KLF6: variants seen among roughly 807,000 people sequenced by gnomAD.
KLF6 encodes Krueppel-like factor 6.
For missense variants in KLF6, 233 were observed against 359.8 expected, an observed-to-expected ratio of 0.65 and a Z score of 2.85; for synonymous variants, 152 against 147.9, an observed-to-expected ratio of 1.03 and a Z score of -0.20.
chr10:3,780,351 G>T lies in KLF6; in HGVS notation c.677-122C>A. The T allele has an allele frequency of 8.4e-7, 1 of 1,187,310 alleles. No individual in the cohort carries two copies. The highest frequency in any genetic ancestry group is 1.2e-6 in the Non-Finnish European group (1 of 805,976). 73.5% of individuals were successfully genotyped at this position (1,187,310 alleles called of 1,614,324 possible). ...CAGGGACCCAGTGGCTTCTGGCATC[G>T]GTAACACACAACAACTGGCAGCCTC... On this transcript the variant is annotated intron_variant, in intron 2 of 3. Coordinates refer to ENST00000497571, the MANE Select transcript of KLF6 (RefSeq NM_001300.6). The surrounding 1 kb of genome is among the most constrained non-coding windows in gnomAD (Gnocchi z 4.6).
intron 1 of KLF6, among the ~76,000 whole-genome samples, 195 bp downstream of exon 1, chr10:3,784,718 G>C (rs1832611329): frequency 6.6e-6 from 1 of 152,210 alleles, no homozygotes; most frequent in African/African-American, 2.4e-5. Flanking sequence ...GGGCTGTGCC[G>C]GGAGTTGGGG....
rs557840648 is a variant in KLF6, at chr10:3,781,243, C to T, written c.676+398G>A. The stretch of plus-strand genomic sequence containing the variant: ...AACCCACACACTCCACGCTGCCCAG[C>T]AACCCTCTGTCCTGACCCTTGAGTT... On this transcript the variant is annotated intron_variant, in intron 2 of 3. Transcript: ENST00000497571. This position sits in a 1 kb window ranked among gnomAD's most constrained non-coding sequence, Gnocchi z 5.8. The T allele has an allele frequency of 3.0e-4, 160 of 540,698 alleles. No homozygotes were observed. The highest frequency in any genetic ancestry group is 2.7e-3 in the African/African-American group (141 of 52,594). The allele number at this position is 540,698 out of a possible 1,614,324, so 33.5% of individuals were successfully genotyped here.
At position 3,778,169 on chromosome 10, in the gene KLF6, G is replaced by T. The variant is rs554226109; in HGVS notation, c.*1370C>A. The T allele has an allele frequency of 1.9e-6, 1 of 521,822 alleles. No individual in the cohort carries two copies. The highest frequency in any genetic ancestry group is 4.1e-5 in the East Asian group (1 of 24,308). 32.3% of individuals were successfully genotyped at this position (521,822 alleles called of 1,614,324 possible). The stretch of plus-strand genomic sequence containing the variant: ...TCTTTGTGAAGGAGGACCTTAAAGA[G>T]ATTTTTTTTCTGTATTATACGTTGA... On this transcript the variant is annotated 3_prime_UTR_variant, in exon 4 of 4. Transcript: ENST00000497571.
At position 3,778,284 on chromosome 10, in the gene KLF6, C is replaced by T. The variant is rs1237136732; in HGVS notation, c.*1255G>A. 9.5e-6 allele frequency: 5 copies of T among 526,268 alleles called. No homozygotes were observed. The highest frequency in any genetic ancestry group is 6.7e-5 in the Admixed American group (3 of 44,688). The allele number at this position is 526,268 out of a possible 1,614,324, so 32.6% of individuals were successfully genotyped here. A position where few individuals can be genotyped will look rare whatever the true frequency, so the allele number is the denominator to read the frequency against. ...AGACCCCCACAGAAGGGATCGCTTG[C>T]GTAAGGCACCATTATGAAGGTCAAC... On this transcript the variant is annotated 3_prime_UTR_variant, in exon 4 of 4. Coordinates refer to ENST00000497571, the MANE Select transcript of KLF6 (RefSeq NM_001300.6).
rs1055476999 is a variant in KLF6 at position 3,777,839 on chromosome 10, T to G, written c.*1700A>C. On this transcript the variant is annotated 3_prime_UTR_variant, in exon 4 of 4. Coordinates refer to ENST00000497571, the MANE Select transcript of KLF6 (RefSeq NM_001300.6). ...AATTCTGCCCACTTTTTTAAAAAAG[T>G]AGTATACTTTCTGTATTACCAACAG... 1 of 482,404 alleles carries G rather than the reference T, an allele frequency of 2.1e-6. No homozygotes were observed. The highest frequency in any genetic ancestry group is 4.9e-5 in the East Asian group (1 of 20,416). The allele number at this position is 482,404 out of a possible 1,614,324, so 29.9% of individuals were successfully genotyped here.
chr10:3,780,048 G>T lies in KLF6; in HGVS notation c.800+58C>A. The T allele has an allele frequency of 1.2e-6, 2 of 1,607,124 alleles. No individual in the cohort carries two copies. Among genetic ancestry groups the T allele is most frequent in the Non-Finnish European group, 1.7e-6 (2 of 1,174,814 alleles). The stretch of plus-strand genomic sequence containing the variant: ...GTGCCCTGCACACCTACTCAACCCT[G>T]GTCATCACATTCCCAAGGCCCCACG... On this transcript the variant is annotated intron_variant, in intron 3 of 3. Transcript: ENST00000497571. The surrounding 1 kb of genome is among the most constrained non-coding windows in gnomAD (Gnocchi z 4.6).
rs1588341355 is a variant in KLF6, at chr10:3,779,056, C to T, written c.*483G>A. 1.9e-6 allele frequency: 1 copy of T among 522,378 alleles called. No individual in the cohort carries two copies. Among genetic ancestry groups the T allele is most frequent in the Admixed American group, 2.4e-5 (1 of 42,430 alleles). The allele number at this position is 522,378 out of a possible 1,614,324, so 32.4% of individuals were successfully genotyped here. A position where few individuals can be genotyped will look rare whatever the true frequency, so the allele number is the denominator to read the frequency against. On this transcript the variant is annotated 3_prime_UTR_variant, in exon 4 of 4. Coordinates refer to ENST00000497571, the MANE Select transcript of KLF6 (RefSeq NM_001300.6). ...TTGTTTTTTTGTTTTTTTGATTTTT[C>T]TTTTTTTTTCTAAGGTGCAGACACC...
Position 3,775,998 on chromosome 10 carries a change from G to A in KLF6, c.*3541C>T. The A allele has an allele frequency of 2.2e-6, 1 of 459,598 alleles. No homozygotes were observed. The highest frequency in any genetic ancestry group is 4.3e-6 in the Non-Finnish European group (1 of 231,436). The allele number at this position is 459,598 out of a possible 1,614,324, so 28.5% of individuals were successfully genotyped here. A position where few individuals can be genotyped will look rare whatever the true frequency, so the allele number is the denominator to read the frequency against. On this transcript the variant is annotated 3_prime_UTR_variant, in exon 4 of 4. Coordinates refer to ENST00000497571, the MANE Select transcript of KLF6 (RefSeq NM_001300.6). Reference sequence around the variant, plus strand: ...AAAAAAAAGAGATGTAACTCCTCTGGCAGTGATGTCATCTTTTATTTTCTG... The same window carrying A: ...AAAAAAAAGAGATGTAACTCCTCTGACAGTGATGTCATCTTTTATTTTCTG...
rs1244161587 is a variant in KLF6, at chr10:3,784,395, G to C, written c.102+518C>G. ...CAAGAGAAGCAGGGAAGACAAATAAGGCAGATCTAGGGGAAATGTTAGGCA... is the reference window on the plus strand; with the variant it reads ...CAAGAGAAGCAGGGAAGACAAATAACGCAGATCTAGGGGAAATGTTAGGCA... On this transcript the variant is annotated intron_variant, in intron 1 of 3. Transcript: ENST00000497571. 2.0e-5 allele frequency among the ~76,000 whole-genome samples: 3 copies of C among 152,070 alleles called. No homozygotes were observed. The East Asian group carries it at 5.8e-4, about 29-fold the overall frequency.
Position 3,778,515 on chromosome 10 carries a change from A to C in KLF6, c.*1024T>G, listed in dbSNP as rs1326500458. On this transcript the variant is annotated 3_prime_UTR_variant, in exon 4 of 4. Transcript: ENST00000497571. ...CTCAATACGTGTCCAATTTCTTCTA[A>C]GGGCATCACAGAATTCTCCAAAAAG... 9.6e-6 allele frequency: 5 copies of C among 523,538 alleles called. No individual in the cohort carries two copies. The highest frequency in any genetic ancestry group is 1.9e-5 in the Non-Finnish European group (5 of 269,508). 32.4% of individuals were successfully genotyped at this position (523,538 alleles called of 1,614,324 possible).
Position 3,778,755 on chromosome 10 carries a change from C to T in KLF6, c.*784G>A. Reference sequence around the variant, plus strand: ...TAAAAATGGAAAAGCATATAGTTCCCCAGACCATGCATGACTTTTTGTATT... The same window carrying T: ...TAAAAATGGAAAAGCATATAGTTCCTCAGACCATGCATGACTTTTTGTATT... On this transcript the variant is annotated 3_prime_UTR_variant, in exon 4 of 4. Transcript: ENST00000497571. 1.9e-6 allele frequency: 1 copy of T among 530,516 alleles called. No homozygotes were observed. Among genetic ancestry groups the T allele is most frequent in the Non-Finnish European group, 3.6e-6 (1 of 274,000 alleles). The allele number at this position is 530,516 out of a possible 1,614,324, so 32.9% of individuals were successfully genotyped here. A position where few individuals can be genotyped will look rare whatever the true frequency, so the allele number is the denominator to read the frequency against.
chr10:3,780,839 C>T lies in KLF6; in HGVS notation c.677-610G>A, dbSNP rs1416875110. 3 of 179,510 alleles carry T rather than the reference C, an allele frequency of 1.7e-5. No homozygotes were observed. Among genetic ancestry groups the T allele is most frequent in the Admixed American group, 1.1e-4 (2 of 18,570 alleles). The allele number at this position is 179,510 out of a possible 1,614,324, so 11.1% of individuals were successfully genotyped here. Reference sequence around the variant, plus strand: ...GAAAACAAAGTTGTCAAGCCAATCTCAGGGTATGTTGAGACAGGCCTGGGC... The same window carrying T: ...GAAAACAAAGTTGTCAAGCCAATCTTAGGGTATGTTGAGACAGGCCTGGGC... On this transcript the variant is annotated intron_variant, in intron 2 of 3. Transcript: ENST00000497571. This position sits in a 1 kb window ranked among gnomAD's most constrained non-coding sequence, Gnocchi z 4.6.
Position 3,777,705 on chromosome 10 carries a change from C to A in KLF6, c.*1834G>T, listed in dbSNP as rs765309035. On this transcript the variant is annotated 3_prime_UTR_variant, in exon 4 of 4. Transcript: ENST00000497571. ...CTTCACAGGCTGTGGAATTTTCTAG[C>A]TAAACATTCTAGTTTCTCCTTAAAA... The A allele has an allele frequency of 4.7e-6, 2 of 425,738 alleles. No homozygotes were observed. Among genetic ancestry groups the A allele is most frequent in the South Asian group, 3.8e-5 (2 of 51,984 alleles). The allele number at this position is 425,738 out of a possible 1,614,324, so 26.4% of individuals were successfully genotyped here.
chr10:3,781,749 C>A lies in KLF6; in HGVS notation c.568G>T (p.Asp190Tyr), dbSNP rs762548312. The A allele has an allele frequency of 6.2e-6, 10 of 1,614,230 alleles. No individual in the cohort carries two copies. Among genetic ancestry groups the A allele is most frequent in the Non-Finnish European group, 8.5e-6 (10 of 1,180,036 alleles). The change falls in exon 2 of 4, where the codon GAT (aspartate) becomes TAT (tyrosine). Residue 190 changes from aspartate (D) to tyrosine (Y), a missense_variant. Physicochemically the swap from Asp to Tyr is radical, Grantham distance 160 (BLOSUM62 -3). Coordinates refer to ENST00000497571, the MANE Select transcript of KLF6 (RefSeq NM_001300.6). This position sits in a 1 kb window ranked among gnomAD's most constrained non-coding sequence, Gnocchi z 5.8. ...CTCCTCCTGCCGTCGGGGGAGGCAT[C>A]GCCATTTCCCTTGTCACCTGGCTTC... ...SGKPGDKGNG[D>Y]ASPDGRRRVH...
In KLF6 at chr10:3,779,205, G is replaced by A; in HGVS notation, c.*334C>T. On this transcript the variant is annotated 3_prime_UTR_variant, in exon 4 of 4. Coordinates refer to ENST00000497571, the MANE Select transcript of KLF6 (RefSeq NM_001300.6). ...TGCTAACCACAAGGAAAAAAAGTTG[G>A]CCTCATCATACGGTCAGTAATAGAT... 1.8e-6 allele frequency: 1 copy of A among 562,276 alleles called. No homozygotes were observed. The highest frequency in any genetic ancestry group is 3.4e-6 in the Non-Finnish European group (1 of 295,378). The allele number at this position is 562,276 out of a possible 1,614,324, so 34.8% of individuals were successfully genotyped here.
chr10:3,781,745 G>A lies in KLF6; in HGVS notation c.572C>T (p.Ala191Val), dbSNP rs1436189659. The stretch of plus-strand genomic sequence containing the variant: ...CACCCTCCTCCTGCCGTCGGGGGAG[G>A]CATCGCCATTTCCCTTGTCACCTGG... ...GKPGDKGNGD[A>V]SPDGRRRVHR... Residue 191 changes from alanine (A) to valine (V), a missense_variant, in exon 2 of 4, where the codon GCC becomes GTC. Physicochemically the swap from Ala to Val is moderately conservative, Grantham distance 64 (BLOSUM62 0). Coordinates refer to ENST00000497571, the MANE Select transcript of KLF6 (RefSeq NM_001300.6). This position sits in a 1 kb window ranked among gnomAD's most constrained non-coding sequence, Gnocchi z 5.8. 7 of 1,614,218 alleles carry A rather than the reference G, an allele frequency of 4.3e-6. No homozygotes were observed. Among genetic ancestry groups the A allele is most frequent in the South Asian group, 1.1e-5 (1 of 91,090 alleles).
chr10:3,778,856 G>A lies in KLF6; in HGVS notation c.*683C>T, dbSNP rs764142249. 2 of 533,702 alleles carry A rather than the reference G, an allele frequency of 3.7e-6. No homozygotes were observed. The highest frequency in any genetic ancestry group is 3.1e-5 in the South Asian group (2 of 65,156). 33.1% of individuals were successfully genotyped at this position (533,702 alleles called of 1,614,324 possible). A position where few individuals can be genotyped will look rare whatever the true frequency, so the allele number is the denominator to read the frequency against. On this transcript the variant is annotated 3_prime_UTR_variant, in exon 4 of 4. Coordinates refer to ENST00000497571, the MANE Select transcript of KLF6 (RefSeq NM_001300.6). ...CAATGGGTTACAAATGAGCTATGTT[G>A]TAGCGTGTAAAACAAGCTACTTGAC...
rs758787754 is a variant in KLF6 at position 3,779,300 on chromosome 10, G to A, written c.*239C>T. On this transcript the variant is annotated 3_prime_UTR_variant, in exon 4 of 4. Transcript: ENST00000497571. ...TGCTCACGGCAAAGGCTTAGGCGCCGCTCGGAAGGGCGGGTACCAGTGGCG... is the reference window on the plus strand; with the variant it reads ...TGCTCACGGCAAAGGCTTAGGCGCCACTCGGAAGGGCGGGTACCAGTGGCG... 81 of 657,070 alleles carry A rather than the reference G, an allele frequency of 1.2e-4. No individual in the cohort carries two copies. The Middle Eastern group carries it at 2.0e-3, about 16-fold the overall frequency. The allele number at this position is 657,070 out of a possible 1,614,324, so 40.7% of individuals were successfully genotyped here.
chr10:3,776,537 A>G lies in KLF6; in HGVS notation c.*3002T>C. 1 of 528,268 alleles carries G rather than the reference A, an allele frequency of 1.9e-6. No homozygotes were observed. The highest frequency in any genetic ancestry group is 2.2e-5 in the Admixed American group (1 of 44,836). The allele number at this position is 528,268 out of a possible 1,614,324, so 32.7% of individuals were successfully genotyped here. On this transcript the variant is annotated 3_prime_UTR_variant, in exon 4 of 4. Transcript: ENST00000497571. ...CAACAACCCCCTTCCCCCAAAAAAA[A>G]CAACCAGACTCAAGATGCTGATAAG...
Sources: allele counts gnomAD v4.1 joint callset (sites outside exome capture counted in the v4.1 genomes callset), GRCh38; gene constraint gnomAD v4.1.1; non-coding constraint Gnocchi (gnomAD v3.1); transcripts MANE v1.5; gene names NCBI Gene and HGNC (gene_info 2026-07-23, HGNC 2026-07-21).